The following SEC11A variants were observed in gnomAD, a reference collection of about 807,000 sequenced individuals.
SEC11A encodes SEC11 homolog A, signal peptidase complex subunit, also known as signal peptidase complex catalytic subunit SEC11A.
A neutral mutation model predicts 25.6 loss-of-function variants in SEC11A; 14 were observed. The observed-to-expected ratio is 0.55, with a 90% CI of 0.36 to 0.85. The LOEUF (loss-of-function observed/expected upper bound fraction) is 0.85. Among genes scored for constraint, SEC11A ranks in the 40% least tolerant of loss-of-function variants. The pLI is 0.01. For synonymous variants in SEC11A, 83 were observed against 76.4 expected (o/e 1.09, Z -0.45); for missense variants, 153 against 222.9 (o/e 0.69, Z 2.00).
At chr15:84,695,099 A>G (rs1897727214) in intron 1 of SEC11A, among the ~76,000 whole-genome samples, 1 of 147,814 alleles carries the variant, frequency 6.8e-6, no homozygotes. Flanking sequence ...AAAAAAAAAA[A>G]AAAAAAAAAA....
chr15:84,699,914 C>G (rs948463637), intron 1 of SEC11A, among the ~76,000 whole-genome samples: 1 of 151,946 alleles, frequency 6.6e-6, no homozygotes, highest in Non-Finnish European at 1.5e-5. Context: ...ATTCTCACAG[C>G]TCTTATGGCG....
intron 1 of SEC11A, among the ~76,000 whole-genome samples, chr15:84,715,599 G>A (rs1336247437): frequency 6.6e-6 from 1 of 152,150 alleles, no homozygotes; most frequent in African/African-American, 2.4e-5. Context: ...GTTTTTGTGG[G>A]GCCTCCAATC....
rs774292039 is a variant in SEC11A, at chr15:84,702,298, TA to T, written c.52-10655del. On this transcript the variant is annotated intron_variant, in intron 1 of 5. Transcript: ENST00000268220. ...CAACATGGTGAAACCCCATCTCTAC[TA>T]AAAATACAAAAATTAGCTGGGCGTG... 2.2e-3 allele frequency among the ~76,000 whole-genome samples: 334 copies of T among 150,798 alleles called. 1 individual carries two copies. Among genetic ancestry groups the T allele is most frequent in the Non-Finnish European group, 4.2e-3 (282 of 67,734 alleles).
At chr15:84,710,689 T>C (rs899343309) in intron 1 of SEC11A, among the ~76,000 whole-genome samples, 1 of 152,154 alleles carries the variant, frequency 6.6e-6, no homozygotes, top group Non-Finnish European at 1.5e-5. Context: ...GGATAAGATT[T>C]GTAAACAAAT....
intron 4 of SEC11A, among the ~76,000 whole-genome samples, chr15:84,680,216 G>A (rs1567035100): frequency 6.6e-6 from 1 of 151,500 alleles, no homozygotes; most frequent in Non-Finnish European, 1.5e-5. Flanking sequence ...CAGGAGAATC[G>A]CTTGAACTCA....
intron 1 of SEC11A, among the ~76,000 whole-genome samples, chr15:84,696,331 G>C (rs760382897): frequency 3.2e-4 from 49 of 152,134 alleles, no homozygotes; most frequent in Non-Finnish European, 1.0e-4. Context: ...TATTCTGAAG[G>C]CTGAATTGAA....
intron 5 of SEC11A, 106 bp downstream of exon 5, chr15:84,670,619 A>G (rs1337897516): frequency 1.7e-6 from 1 of 583,656 alleles, no homozygotes; most frequent in African/African-American, 2.0e-5. Flanking sequence ...GGCTCAAGCG[A>G]TCCACTCACC....
Position 84,709,010 on chromosome 15 carries a change from G to A in SEC11A, c.51+7015C>T, listed in dbSNP as rs796378110. Among the ~76,000 whole-genome samples the A allele has an allele frequency of 2.2e-4, 33 of 152,108 alleles. 1 individual carries two copies. Among genetic ancestry groups the A allele is most frequent in the African/African-American group, 7.7e-4 (32 of 41,512 alleles). On this transcript the variant is annotated intron_variant, in intron 1 of 5. Coordinates refer to ENST00000268220, the MANE Select transcript of SEC11A (RefSeq NM_014300.4). Reference sequence around the variant, plus strand: ...TCAAGCAATATAAGTGGCCTGCGGGGAGCTAAGCACACATTTATGGGAGTC... The same window carrying A: ...TCAAGCAATATAAGTGGCCTGCGGGAAGCTAAGCACACATTTATGGGAGTC...
chr15:84,696,119 A>G (rs1413115512), intron 1 of SEC11A, among the ~76,000 whole-genome samples: 2 of 152,186 alleles, frequency 1.3e-5, no homozygotes, highest in East Asian at 1.9e-4. Context: ...TTTCAGTAAT[A>G]GAGTGATGTG....
At chr15:84,709,239 A>C (rs1898189834) in intron 1 of SEC11A, among the ~76,000 whole-genome samples, 1 of 151,982 alleles carries the variant, frequency 6.6e-6, no homozygotes, top group African/African-American at 2.4e-5. Context: ...TATGTTGACC[A>C]GGCTAGACTT....
At chr15:84,683,710 A>G (rs1897338906) in intron 3 of SEC11A, among the ~76,000 whole-genome samples, 1 of 152,120 alleles carries the variant, frequency 6.6e-6, no homozygotes, top group African/African-American at 2.4e-5. Context: ...TTATTAGTAG[A>G]GACAGGGTTT....
In SEC11A at chr15:84,700,593, C is replaced by CAAAAAA. The variant is rs776113920; in HGVS notation, c.52-8955_52-8950dup. On this transcript the variant is annotated intron_variant, in intron 1 of 5. Coordinates refer to ENST00000268220, the MANE Select transcript of SEC11A (RefSeq NM_014300.4). Reference sequence around the variant, plus strand: ...TGGGTGACAGAGGAAGACTCTGTCTCAAAAAAAAAAAAAAAAAAAAAAAAA... The same window carrying CAAAAAA: ...TGGGTGACAGAGGAAGACTCTGTCTCAAAAAAAAAAAAAAAAAAAAAAAAAAAAAAA... Among the ~76,000 whole-genome samples, 6 of 36,102 alleles carry CAAAAAA rather than the reference C, an allele frequency of 1.7e-4. 2 individuals are homozygous for CAAAAAA. Among genetic ancestry groups the CAAAAAA allele is most frequent in the Admixed American group, 1.1e-3 (2 of 1,748 alleles). The allele number at this position is 36,102 out of a possible 152,430, so 23.7% of individuals were successfully genotyped here. A position where few individuals can be genotyped will look rare whatever the true frequency, so the allele number is the denominator to read the frequency against.
Position 84,669,840 on chromosome 15 carries a change from G to C in SEC11A, c.*179C>G. 9.5e-7 allele frequency: 1 copy of C among 1,053,628 alleles called. No homozygotes were observed. The allele number at this position is 1,053,628 out of a possible 1,614,324, so 65.3% of individuals were successfully genotyped here. ...GAAAGTCCCCTCGAGTGCACTCTGTGGTGCACATGCGCCCGCCCACACAAA... is the reference window on the plus strand; with the variant it reads ...GAAAGTCCCCTCGAGTGCACTCTGTCGTGCACATGCGCCCGCCCACACAAA... On this transcript the variant is annotated 3_prime_UTR_variant, in exon 6 of 6. Transcript: ENST00000268220.
At position 84,680,820 on chromosome 15, in the gene SEC11A, A is replaced by G. The variant is rs752937869; in HGVS notation, c.324T>C (p.His108=). ...TATCTCCTTTGGTCAAAAACTTGAT[A>G]TGCCCATTTTGCCTTAAAAGAGTAA... ...VLKIHEKQNG[H]IKFLTKGDNN... Residue 108 remains histidine (H), a synonymous_variant, in exon 4 of 6, where the codon CAT becomes CAC. Transcript: ENST00000268220. The G allele has an allele frequency of 6.2e-7, 1 of 1,609,004 alleles. No homozygotes were observed. The highest frequency in any genetic ancestry group is 8.5e-7 in the Non-Finnish European group (1 of 1,176,768).
intron 4 of SEC11A, among the ~76,000 whole-genome samples, chr15:84,674,690 C>T (rs1596067560): frequency 6.6e-6 from 1 of 152,134 alleles, no homozygotes; most frequent in East Asian, 1.9e-4. Flanking sequence ...TCCCAAGGAG[C>T]TGGGACTACA....
chr15:84,711,406 A>T (rs916097309), intron 1 of SEC11A, among the ~76,000 whole-genome samples: 9 of 147,314 alleles, frequency 6.1e-5, no homozygotes, highest in East Asian at 2.0e-4. Flanking sequence ...AACAAAAATT[A>T]AAAAAAAAAA....
At chr15:84,711,307 G>A (rs1014644669) in intron 1 of SEC11A, among the ~76,000 whole-genome samples, 4 of 151,922 alleles carry the variant, frequency 2.6e-5, no homozygotes, top group South Asian at 2.1e-4. Flanking sequence ...ACTTGATCCC[G>A]GAAGGAGGAG....
chr15:84,693,116 C>T (rs1286351797), intron 1 of SEC11A, among the ~76,000 whole-genome samples: 1 of 152,166 alleles, frequency 6.6e-6, no homozygotes, highest in African/African-American at 2.4e-5. Context: ...AGCCACCATG[C>T]CTGGTCACTT....
At chr15:84,675,307 G>A (rs1023145038) in intron 4 of SEC11A, among the ~76,000 whole-genome samples, 3 of 152,198 alleles carry the variant, frequency 2.0e-5, no homozygotes, top group South Asian at 4.1e-4. Flanking sequence ...AGGTACTGCT[G>A]AGGAAGTAGC....
Sources: gnomAD v4.1 joint callset for allele counts (sites outside exome capture counted in the v4.1 genomes callset) on GRCh38, gnomAD v4.1.1 for gene constraint, MANE v1.5 for transcripts, NCBI Gene and HGNC (gene_info 2026-07-23, HGNC 2026-07-21) for gene names.